WWOX: variants seen among roughly 807,000 people sequenced by gnomAD.
WWOX encodes WW domain-containing oxidoreductase.
A neutral mutation model predicts 46.2 loss-of-function variants in WWOX; 69 were observed. The ratio of observed to expected loss-of-function variants is 1.49; its 90% CI spans 1.23 to 1.82. WWOX has a LOEUF of 1.82. WWOX is among the 40% of genes most tolerant of loss of function. The pLI is 0.00. For missense variants in WWOX, 919 were observed against 542.6 expected (o/e 1.69, Z -6.89); for synonymous variants, 359 against 202.6 (o/e 1.77, Z -6.56).
chr16:78,114,770 A>G (rs779872377), intron 3 of WWOX, among the ~76,000 whole-genome samples: 13 of 152,128 alleles, frequency 8.5e-5, no homozygotes, highest in African/African-American at 2.9e-4. Flanking sequence ...TTCTGAAGGA[A>G]AGGATTCGAT....
At chr16:78,467,396 A>G (rs1380256608) in intron 8 of WWOX, among the ~76,000 whole-genome samples, 1 of 152,206 alleles carries the variant, frequency 6.6e-6, no homozygotes, top group Non-Finnish European at 1.5e-5. Context: ...TATATGCTAG[A>G]GGTGAGGAAT....
intron 8 of WWOX, among the ~76,000 whole-genome samples, chr16:78,671,034 A>T (rs947758699): frequency 6.6e-6 from 1 of 152,108 alleles, no homozygotes. Context: ...GCTGGAACAG[A>T]GCCTGCAAGC....
At chr16:78,486,960 T>G (rs1162889875) in intron 8 of WWOX, among the ~76,000 whole-genome samples, 2 of 152,240 alleles carry the variant, frequency 1.3e-5, no homozygotes, top group Non-Finnish European at 1.5e-5. Context: ...AGGGCATCCC[T>G]GCACAATTTT....
intron 8 of WWOX, among the ~76,000 whole-genome samples, chr16:79,158,596 C>T (rs1343333456): frequency 1.3e-5 from 2 of 152,240 alleles, no homozygotes; most frequent in Non-Finnish European, 2.9e-5. Flanking sequence ...ATTCCTTGAA[C>T]ACACCAAGTT....
chr16:78,763,462 C>T (rs929054049), intron 8 of WWOX, among the ~76,000 whole-genome samples: 2 of 152,300 alleles, frequency 1.3e-5, no homozygotes, highest in Non-Finnish European at 2.9e-5. Flanking sequence ...TCCAAAAAGA[C>T]ATTGGCTCTT....
At position 78,728,066 on chromosome 16, in the gene WWOX, T is replaced by TCC. The variant is rs2048878819; in HGVS notation, c.1056+295314_1056+295315insCC. On this transcript the variant is annotated intron_variant, in intron 8 of 8. Coordinates refer to ENST00000566780, the MANE Select transcript of WWOX (RefSeq NM_016373.4). The stretch of plus-strand genomic sequence containing the variant: ...TCTCTCCCTCCTTCCTTTTTTTTTT[T>TCC]TTTTTTTTTTTTTTTTGAGAAAGGG... Among the ~76,000 whole-genome samples the TCC allele has an allele frequency of 4.3e-5, 6 of 139,664 alleles. No homozygotes were observed. The East Asian group carries it at 8.2e-4, about 19-fold the overall frequency. The allele number at this position is 139,664 out of a possible 152,430, so 91.6% of individuals were successfully genotyped here. A position where few individuals can be genotyped will look rare whatever the true frequency, so the allele number is the denominator to read the frequency against.
At chr16:79,163,969 G>C (rs1205262908) in intron 8 of WWOX, among the ~76,000 whole-genome samples, 2 of 151,548 alleles carry the variant, frequency 1.3e-5, no homozygotes, top group Middle Eastern at 3.5e-3. Flanking sequence ...TCCCTCTGCA[G>C]GGTGTCTGTG....
intron 5 of WWOX, among the ~76,000 whole-genome samples, chr16:78,305,723 G>A (rs1254552753): frequency 6.6e-6 from 1 of 152,032 alleles, no homozygotes; most frequent in Non-Finnish European, 1.5e-5. Context: ...GTACCACGCA[G>A]CCCACATTAA....
chr16:78,478,102 ATGTT>A (rs1368039718), intron 8 of WWOX, among the ~76,000 whole-genome samples: 1 of 152,202 alleles, frequency 6.6e-6, no homozygotes, highest in African/African-American at 2.4e-5. Flanking sequence ...AGTTATAAAA[ATGTT>A]TGTAGTATAG....
intron 8 of WWOX, among the ~76,000 whole-genome samples, chr16:78,560,056 G>C (rs2044397420): frequency 6.6e-6 from 1 of 152,090 alleles, no homozygotes; most frequent in African/African-American, 2.4e-5. Context: ...GTGTACTTTT[G>C]GTTGTTAGGA....
intron 8 of WWOX, among the ~76,000 whole-genome samples, chr16:78,852,992 T>G (rs1035771780): frequency 1.3e-5 from 2 of 152,142 alleles, no homozygotes; most frequent in African/African-American, 2.4e-5. Flanking sequence ...CCCCACCCAG[T>G]GTTGATTTGC....
chr16:78,727,445 C>T (rs1425532680), intron 8 of WWOX, among the ~76,000 whole-genome samples: 4 of 152,086 alleles, frequency 2.6e-5, no homozygotes, highest in Non-Finnish European at 5.9e-5. Flanking sequence ...TCCTCTGGTC[C>T]TGGTGATCTG....
intron 8 of WWOX, among the ~76,000 whole-genome samples, chr16:78,871,162 T>G (rs1006262172): frequency 2.0e-5 from 3 of 149,646 alleles, no homozygotes; most frequent in East Asian, 1.9e-4. Flanking sequence ...TTCCCAACTT[T>G]CGTGAAGGTT....
At chr16:78,482,771 G>C (rs879790411) in intron 8 of WWOX, among the ~76,000 whole-genome samples, 2 of 152,146 alleles carry the variant, frequency 1.3e-5, no homozygotes, top group Non-Finnish European at 2.9e-5. Flanking sequence ...CTTGTTGTAC[G>C]AGAGTCAACG....
chr16:78,375,636 G>A (rs148510041), intron 5 of WWOX, among the ~76,000 whole-genome samples: 54 of 152,176 alleles, frequency 3.5e-4, no homozygotes, highest in African/African-American at 1.2e-3. Flanking sequence ...TAACCTTTTT[G>A]GAGGACCCTC....
chr16:79,007,424 C>T (rs757589363), intron 8 of WWOX, among the ~76,000 whole-genome samples: 4 of 152,150 alleles, frequency 2.6e-5, no homozygotes, highest in Non-Finnish European at 5.9e-5. Flanking sequence ...ATCACTCAGG[C>T]TGCCTTCGAA....
intron 8 of WWOX, among the ~76,000 whole-genome samples, chr16:78,999,145 C>CTT (rs761357136): frequency 9.9e-5 from 14 of 141,432 alleles, no homozygotes; most frequent in African/African-American, 2.8e-4. Context: ...GATGCTTCTT[C>CTT]TTTTTTTTTT....
chr16:78,639,370 A>G (rs150865462), intron 8 of WWOX, among the ~76,000 whole-genome samples: 2 of 152,180 alleles, frequency 1.3e-5, no homozygotes, highest in Admixed American at 6.5e-5. Flanking sequence ...TGGGAACCTC[A>G]TAACAGACCT....
intron 8 of WWOX, among the ~76,000 whole-genome samples, chr16:78,465,599 A>G (rs1049757674): frequency 2.8e-4 from 42 of 152,234 alleles, no homozygotes; most frequent in African/African-American, 1.0e-3. Flanking sequence ...TAATCTCTGA[A>G]TTTAACATGC....
Sources: gnomAD v4.1 joint callset for allele counts (sites outside exome capture counted in the v4.1 genomes callset) on GRCh38, gnomAD v4.1.1 for gene constraint, MANE v1.5 for transcripts, NCBI Gene and HGNC (gene_info 2026-07-23, HGNC 2026-07-21) for gene names.